Variants in LUZP2 observed in about 807,000 individuals in gnomAD.
LUZP2 encodes the protein leucine zipper protein 2.
A neutral mutation model predicts 51.6 loss-of-function variants in LUZP2; 52 were observed. The observed-to-expected ratio is 1.01, with a 90% CI of 0.81 to 1.27. LUZP2 has a LOEUF of 1.27. LUZP2 is among the 50% of genes most tolerant of loss of function. The pLI, the probability that LUZP2 is intolerant of heterozygous loss-of-function variation, is 0.00. For missense variants in LUZP2, 436 were observed against 395.4 expected, an observed-to-expected ratio of 1.10 and a Z score of -0.87; for synonymous variants, 154 against 137.3, an observed-to-expected ratio of 1.12 and a Z score of -0.85.
chr11:24,772,480 A>T (rs1445640394), intron 5 of LUZP2, among the ~76,000 whole-genome samples: 1 of 152,148 alleles, frequency 6.6e-6, no homozygotes, highest in Non-Finnish European at 1.5e-5. Flanking sequence ...GGTTTTTAAG[A>T]TATTTAATTA....
At chr11:24,822,030 T>A (rs1590592703) in intron 5 of LUZP2, among the ~76,000 whole-genome samples, 3 of 151,646 alleles carry the variant, frequency 2.0e-5, no homozygotes, top group Admixed American at 2.0e-4. Context: ...CAGGGGTTTT[T>A]TTTTTTGGCC....
At chr11:24,791,734 C>T (rs901428731) in intron 5 of LUZP2, among the ~76,000 whole-genome samples, 5 of 151,988 alleles carry the variant, frequency 3.3e-5, no homozygotes, top group African/African-American at 1.2e-4. Flanking sequence ...TTTTATAGGA[C>T]AGAAGGAGAT....
At position 25,026,456 on chromosome 11, in the gene LUZP2, C is replaced by G. The variant is rs76313935; in HGVS notation, c.766-23582C>G. 7.8e-3 allele frequency among the ~76,000 whole-genome samples: 1,191 copies of G among 152,186 alleles called. 34 individuals carry two copies. The East Asian group carries it at 0.099, about 13-fold the overall frequency. ...TGTGAATACTATTCCTTCTAATATG[C>G]TTCAGAGATGCTGTGTTTGGAAAGT... On this transcript the variant is annotated intron_variant, in intron 9 of 11. Coordinates refer to ENST00000336930, the MANE Select transcript of LUZP2 (RefSeq NM_001009909.4).
intron 9 of LUZP2, among the ~76,000 whole-genome samples, chr11:25,024,756 A>G (rs1364990425): frequency 6.6e-6 from 1 of 150,872 alleles, no homozygotes; most frequent in African/African-American, 2.5e-5. Context: ...ATCCCCGTCA[A>G]GCTACCAATG....
chr11:25,048,759 C>T (rs1472408211), intron 9 of LUZP2, among the ~76,000 whole-genome samples: 1 of 151,952 alleles, frequency 6.6e-6, no homozygotes, highest in Non-Finnish European at 1.5e-5. Flanking sequence ...TTCTGGATTT[C>T]ACCCAGTGAA....
At chr11:24,819,894 C>T (rs1484886702) in intron 5 of LUZP2, among the ~76,000 whole-genome samples, 2 of 151,986 alleles carry the variant, frequency 1.3e-5, no homozygotes, top group African/African-American at 2.4e-5. Context: ...AGACACTAGG[C>T]ACAGAAAATG....
In LUZP2 at chr11:24,497,218, G is replaced by A. The variant is rs770806441; in HGVS notation, c.-26G>A. 1.3e-6 allele frequency: 2 copies of A among 1,516,100 alleles called. No individual in the cohort carries two copies. Among genetic ancestry groups the A allele is most frequent in the Admixed American group, 2.0e-5 (1 of 51,194 alleles). 93.9% of individuals were successfully genotyped at this position (1,516,100 alleles called of 1,614,324 possible). ...AAGAGAGAGAGAGAAGGCAGCGAGG[G>A]AAGGAGGACCCCGGCAGGCAGCAGC... On this transcript the variant is annotated 5_prime_UTR_variant, in exon 1 of 12. Coordinates refer to ENST00000336930, the MANE Select transcript of LUZP2 (RefSeq NM_001009909.4).
chr11:24,941,944 C>G (rs1854762657), intron 7 of LUZP2, among the ~76,000 whole-genome samples: 1 of 151,810 alleles, frequency 6.6e-6, no homozygotes, highest in African/African-American at 2.4e-5. Flanking sequence ...TCTCCATGCC[C>G]TGCTTTCTTT....
chr11:24,647,867 C>G (rs1855510599), intron 1 of LUZP2, among the ~76,000 whole-genome samples: 1 of 151,554 alleles, frequency 6.6e-6, no homozygotes, highest in African/African-American at 2.4e-5. Flanking sequence ...TTTTTGAATA[C>G]CCTGGTATTC....
intron 5 of LUZP2, among the ~76,000 whole-genome samples, chr11:24,865,740 G>GTATA (rs1851872458): frequency 7.1e-6 from 1 of 141,444 alleles, no homozygotes; most frequent in Non-Finnish European, 1.5e-5. Context: ...GTGTGTGTGT[G>GTATA]TGTGTATATA....
At chr11:24,708,884 A>G (rs1857717573) in intron 1 of LUZP2, among the ~76,000 whole-genome samples, 1 of 152,180 alleles carries the variant, frequency 6.6e-6, no homozygotes. Flanking sequence ...TCACATAACA[A>G]AAAGTCTGCA....
intron 1 of LUZP2, among the ~76,000 whole-genome samples, chr11:24,696,212 G>T (rs4922691): frequency 2.0e-5 from 3 of 151,646 alleles, no homozygotes; most frequent in East Asian, 3.9e-4. Context: ...ATTTGGGGAA[G>T]GACAAGACTA....
intron 5 of LUZP2, among the ~76,000 whole-genome samples, chr11:24,887,188 TTTGA>T (rs1243141246): frequency 3.8e-5 from 1 of 26,208 alleles, no homozygotes; most frequent in African/African-American, 1.9e-4. Flanking sequence ...CCCTAGTTTT[TTTGA>T]TTTTGTTTTG....
chr11:24,565,180 T>C (rs1852175267), intron 1 of LUZP2, among the ~76,000 whole-genome samples: 1 of 152,164 alleles, frequency 6.6e-6, no homozygotes, highest in Non-Finnish European at 1.5e-5. Context: ...GAAGGCTGGA[T>C]GTAGTCGCCC....
At chr11:24,559,375 G>A (rs927651653) in intron 1 of LUZP2, among the ~76,000 whole-genome samples, 1 of 152,158 alleles carries the variant, frequency 6.6e-6, no homozygotes, top group African/African-American at 2.4e-5. Flanking sequence ...CATAAATTTA[G>A]TTATCAGACT....
intron 7 of LUZP2, among the ~76,000 whole-genome samples, chr11:24,944,896 G>C (rs1298935429): frequency 6.6e-6 from 1 of 152,074 alleles, no homozygotes; most frequent in Non-Finnish European, 1.5e-5. Flanking sequence ...TAAAAGCTGT[G>C]GTGAATTTAA....
chr11:24,824,440 G>T (rs1232857429), intron 5 of LUZP2, among the ~76,000 whole-genome samples: 1 of 142,404 alleles, frequency 7.0e-6, no homozygotes, highest in Non-Finnish European at 1.5e-5. Flanking sequence ...AGGTATTTCT[G>T]TTAGGGAAAA....
intron 9 of LUZP2, among the ~76,000 whole-genome samples, chr11:25,033,526 G>A (rs541127160): frequency 4.2e-4 from 64 of 152,226 alleles, no homozygotes; most frequent in Non-Finnish European, 7.8e-4. Flanking sequence ...TGTCACCTGG[G>A]TAGTGAGCAC....
At chr11:24,647,611 C>A (rs947322546) in intron 1 of LUZP2, among the ~76,000 whole-genome samples, 1 of 151,844 alleles carries the variant, frequency 6.6e-6, no homozygotes, top group African/African-American at 2.4e-5. Context: ...CATAGAGAAA[C>A]AAATCAACAT....
Sources: allele counts gnomAD v4.1 joint callset (sites outside exome capture counted in the v4.1 genomes callset), GRCh38; gene constraint gnomAD v4.1.1; transcripts MANE v1.5; gene names NCBI Gene and HGNC (gene_info 2026-07-23, HGNC 2026-07-21).